CNTNAP2: variants seen among roughly 807,000 people sequenced by gnomAD.
The protein encoded by CNTNAP2 is contactin associated protein 2, also known as contactin-associated protein-like 2.
Under a neutral mutation model 155.2 loss-of-function variants are expected in CNTNAP2, and 98 were observed. The observed-to-expected ratio is 0.63, with a 90% CI of 0.54 to 0.75. CNTNAP2 has a LOEUF of 0.75. Among genes scored for constraint, CNTNAP2 ranks in the 30% least tolerant of loss-of-function variants. CNTNAP2 has a pLI of 0.00. For synonymous variants in CNTNAP2, 651 were observed against 631.2 expected (o/e 1.03, Z -0.47); for missense variants, 1,727 against 1,688.1 (o/e 1.02, Z -0.40).
At chr7:147,310,316 C>T (rs1439039994) in intron 9 of CNTNAP2, among the ~76,000 whole-genome samples, 2 of 152,102 alleles carry the variant, frequency 1.3e-5, no homozygotes, top group African/African-American at 2.4e-5. Context: ...AACTCTTTGA[C>T]TTTCAAGAAT....
At chr7:147,341,692 A>AT (rs35945526) in intron 9 of CNTNAP2, among the ~76,000 whole-genome samples, 1,538 of 149,222 alleles carry the variant, frequency 0.01, 25 homozygotes, top group African/African-American at 0.031. Flanking sequence ...TCATCTGATG[A>AT]TTTTTTTTTT....
chr7:146,591,421 G>C (rs1205592698), intron 1 of CNTNAP2, among the ~76,000 whole-genome samples: 10 of 16,662 alleles, frequency 6.0e-4, no homozygotes, highest in African/African-American at 3.9e-3. Context: ...TAATAATTGA[G>C]AAATGTAAAA....
chr7:148,340,853 C>T (rs915549990), intron 21 of CNTNAP2, among the ~76,000 whole-genome samples: 1 of 152,100 alleles, frequency 6.6e-6, no homozygotes, highest in Admixed American at 6.5e-5. Context: ...GTGTAATTAC[C>T]GCCTCTCCAG....
intron 2 of CNTNAP2, among the ~76,000 whole-genome samples, chr7:146,832,935 A>T (rs1006725197): frequency 2.6e-5 from 4 of 152,012 alleles, no homozygotes; most frequent in African/African-American, 4.8e-5. Flanking sequence ...ACCTCAAGTG[A>T]TCCACCCGCC....
chr7:147,591,796 C>T (rs1563012201), intron 12 of CNTNAP2, among the ~76,000 whole-genome samples: 1 of 152,180 alleles, frequency 6.6e-6, no homozygotes, highest in Non-Finnish European at 1.5e-5. Context: ...ACTGCACCAT[C>T]TGCATCCCTG....
chr7:147,600,643 CTCT>C (rs1800925238), intron 12 of CNTNAP2, among the ~76,000 whole-genome samples: 1 of 152,176 alleles, frequency 6.6e-6, no homozygotes, highest in Non-Finnish European at 1.5e-5. Context: ...TGTTCCCTCT[CTCT>C]TGTTGGTTGT....
At chr7:148,208,824 C>G (rs947799056) in intron 18 of CNTNAP2, among the ~76,000 whole-genome samples, 1 of 152,136 alleles carries the variant, frequency 6.6e-6, no homozygotes, top group African/African-American at 2.4e-5. Context: ...TCTTGAAAAA[C>G]CCTTTTTCCT....
intron 9 of CNTNAP2, among the ~76,000 whole-genome samples, chr7:147,364,082 T>C (rs567302981): frequency 3.3e-5 from 5 of 152,276 alleles, no homozygotes; most frequent in African/African-American, 1.2e-4. Context: ...TTCTTTCCCT[T>C]ATGGTTAACA....
At chr7:146,966,768 T>C (rs1204799664) in intron 3 of CNTNAP2, among the ~76,000 whole-genome samples, 2 of 152,184 alleles carry the variant, frequency 1.3e-5, no homozygotes, top group East Asian at 3.8e-4. Flanking sequence ...AACCAGACCA[T>C]ATATCATAGC....
intron 15 of CNTNAP2, among the ~76,000 whole-genome samples, chr7:148,012,015 G>A (rs996263199): frequency 1.6e-4 from 25 of 152,184 alleles, no homozygotes; most frequent in African/African-American, 5.5e-4. Context: ...CCAAGATAAA[G>A]GAATGTCCCC....
intron 1 of CNTNAP2, among the ~76,000 whole-genome samples, chr7:146,488,125 G>A (rs1047579083): frequency 6.6e-6 from 1 of 151,932 alleles, no homozygotes; most frequent in African/African-American, 2.4e-5. Flanking sequence ...AATTTTTTCC[G>A]TCAAATTGTA....
At position 147,720,348 on chromosome 7, in the gene CNTNAP2, A is replaced by G. The variant is rs76323559; in HGVS notation, c.2098+81042A>G. 2.8e-4 allele frequency among the ~76,000 whole-genome samples: 42 copies of G among 152,288 alleles called. No homozygotes were observed. In the East Asian group the frequency reaches 6.4e-3, roughly 23 times the overall value. ...AGCAGACTCTGAAGGTTAATGTAAT[A>G]TGTACAGCATTCCCATTTCCTTTCT... is the stretch of plus-strand genomic sequence containing the variant. On this transcript the variant is annotated intron_variant, in intron 13 of 23. Coordinates refer to ENST00000361727, the MANE Select transcript of CNTNAP2 (RefSeq NM_014141.6).
Position 146,816,028 on chromosome 7 carries a change from T to C in CNTNAP2, c.209-23683T>C, listed in dbSNP as rs556175397. ...CATGTGGTGTTTGGTTTTCTGTCCTTGTGATAGTTTGCTCAGAATGATAGT... is the reference window on the plus strand; with the variant it reads ...CATGTGGTGTTTGGTTTTCTGTCCTCGTGATAGTTTGCTCAGAATGATAGT... On this transcript the variant is annotated intron_variant, in intron 2 of 23. Transcript: ENST00000361727. Among the ~76,000 whole-genome samples, 82 of 152,320 alleles carry C rather than the reference T, an allele frequency of 5.4e-4. No homozygotes were observed. The South Asian group carries it at 0.011, about 20-fold the overall frequency.
At chr7:146,791,837 T>A (rs1004145463) in intron 2 of CNTNAP2, among the ~76,000 whole-genome samples, 2 of 152,242 alleles carry the variant, frequency 1.3e-5, no homozygotes, top group Non-Finnish European at 2.9e-5. Context: ...GATTTCTCAC[T>A]GAGCCTGAGA....
chr7:146,150,691 A>G (rs1185399935), intron 1 of CNTNAP2, among the ~76,000 whole-genome samples: 1 of 152,056 alleles, frequency 6.6e-6, no homozygotes, highest in African/African-American at 2.4e-5. Context: ...AACATTAAAT[A>G]GTATTGTTGA....
intron 3 of CNTNAP2, among the ~76,000 whole-genome samples, chr7:146,945,554 A>T (rs1390333798): frequency 6.6e-6 from 1 of 152,154 alleles, no homozygotes; most frequent in Non-Finnish European, 1.5e-5. Context: ...ATTGGGAAGG[A>T]TCTTAATTGA....
chr7:146,312,267 C>A (rs1011377945), intron 1 of CNTNAP2, among the ~76,000 whole-genome samples: 6 of 152,072 alleles, frequency 3.9e-5, no homozygotes, highest in African/African-American at 1.4e-4. Context: ...ATGTTAGGAA[C>A]CTGTGATTAT....
intron 15 of CNTNAP2, among the ~76,000 whole-genome samples, chr7:148,104,477 G>A (rs567551343): frequency 1.3e-5 from 2 of 152,254 alleles, no homozygotes; most frequent in South Asian, 4.1e-4. Context: ...CATAAAGGCT[G>A]CCTGGCATTA....
chr7:147,612,420 TGAGAC>T (rs1801205126), intron 12 of CNTNAP2, among the ~76,000 whole-genome samples: 1 of 148,734 alleles, frequency 6.7e-6, no homozygotes. Context: ...TTTTTTTTTC[TGAGAC>T]GGAGTCTTTC....
Sources: allele counts gnomAD v4.1 joint callset (sites outside exome capture counted in the v4.1 genomes callset), GRCh38; gene constraint gnomAD v4.1.1; transcripts MANE v1.5; gene names NCBI Gene and HGNC (gene_info 2026-07-23, HGNC 2026-07-21).